The following SV2B variants were observed in gnomAD, a reference collection of about 807,000 sequenced individuals.
SV2B encodes the protein solute carrier family 22 member B2.
A neutral mutation model predicts 73.9 loss-of-function variants in SV2B; 41 were observed. That is an observed-to-expected ratio of 0.56 (90% CI 0.43 to 0.72). The LOEUF (loss-of-function observed/expected upper bound fraction) is 0.72. Ranked by LOEUF, SV2B falls within the 30% of genes least tolerant of loss-of-function variation. SV2B has a pLI of 0.00. For synonymous variants in SV2B, 314 were observed against 314.2 expected (o/e 1.00, Z 0.01); for missense variants, 764 against 857.8 (o/e 0.89, Z 1.37).
chr15:91,256,086 G>A (rs2047678429), intron 4 of SV2B, among the ~76,000 whole-genome samples: 1 of 152,080 alleles, frequency 6.6e-6, no homozygotes, highest in East Asian at 1.9e-4. Flanking sequence ...TGAACTCACG[G>A]GTAAAGCTCA....
At position 91,232,541 on chromosome 15, in the gene SV2B, C is replaced by T. The variant is rs973982723; in HGVS notation, c.451+5827C>T. On this transcript the variant is annotated intron_variant, in intron 2 of 12. Coordinates refer to ENST00000394232, the MANE Select transcript of SV2B (RefSeq NM_001323032.3). The surrounding 1 kb of genome is among the most constrained non-coding windows in gnomAD (Gnocchi z 4.7). ...TGTGGTTTAGGATGATCACTCTGCC[C>T]CAGTGATTTTGGTACTGAGAGTGCT... Among the ~76,000 whole-genome samples, 1 of 151,978 alleles carries T rather than the reference C, an allele frequency of 6.6e-6. No homozygotes were observed. The highest frequency in any genetic ancestry group is 1.5e-5 in the Non-Finnish European group (1 of 68,008).
At chr15:91,263,171 C>A (rs557897226) in intron 6 of SV2B, among the ~76,000 whole-genome samples, 1 of 151,806 alleles carries the variant, frequency 6.6e-6, no homozygotes, top group African/African-American at 2.4e-5. Flanking sequence ...AACACAGACA[C>A]ACAGACACAG....
At position 91,232,205 on chromosome 15, in the gene SV2B, C is replaced by T. The variant is rs1370142281; in HGVS notation, c.451+5491C>T. Among the ~76,000 whole-genome samples, 1 of 152,180 alleles carries T rather than the reference C, an allele frequency of 6.6e-6. No individual in the cohort carries two copies. Among genetic ancestry groups the T allele is most frequent in the Admixed American group, 6.5e-5 (1 of 15,278 alleles). ...TCCTCAGTGACCAAGTATTTACCTA[C>T]TTACTCATGATGGTGAAATCCACCA... On this transcript the variant is annotated intron_variant, in intron 2 of 12. Coordinates refer to ENST00000394232, the MANE Select transcript of SV2B (RefSeq NM_001323032.3). This position sits in a 1 kb window ranked among gnomAD's most constrained non-coding sequence, Gnocchi z 4.7.
intron 1 of SV2B, among the ~76,000 whole-genome samples, chr15:91,163,011 G>A (rs1001330817): frequency 6.6e-6 from 1 of 151,864 alleles, no homozygotes; most frequent in African/African-American, 2.4e-5. Flanking sequence ...AGAACATGCG[G>A]TGTTTGGTTT....
chr15:91,135,764 G>A (rs1296698385), intron 1 of SV2B, among the ~76,000 whole-genome samples: 2 of 152,210 alleles, frequency 1.3e-5, no homozygotes, highest in Non-Finnish European at 2.9e-5. Flanking sequence ...TCTGCTTTGT[G>A]AAGTTTGGGG....
intron 1 of SV2B, among the ~76,000 whole-genome samples, chr15:91,152,930 C>T (rs2043359456): frequency 6.6e-6 from 1 of 152,150 alleles, no homozygotes; most frequent in African/African-American, 2.4e-5. Flanking sequence ...CTATTTCTCA[C>T]AGTTCTGGAG....
Position 91,267,763 on chromosome 15 carries a change from A to G in SV2B, c.1208+120A>G, listed in dbSNP as rs945628457. On this transcript the variant is annotated intron_variant, in intron 8 of 12. Coordinates refer to ENST00000394232, the MANE Select transcript of SV2B (RefSeq NM_001323032.3). This position sits in a 1 kb window ranked among gnomAD's most constrained non-coding sequence, Gnocchi z 4.3. Reference sequence around the variant, plus strand: ...TATCAGGTAGGATGCTTTGGTGGCAAGTAGCAGAAAACCAACTCTAGTGGC... The same window carrying G: ...TATCAGGTAGGATGCTTTGGTGGCAGGTAGCAGAAAACCAACTCTAGTGGC... The G allele has an allele frequency of 6.3e-5, 54 of 857,662 alleles. No homozygotes were observed. In the Admixed American group the frequency reaches 9.3e-4, roughly 15 times the overall value. The allele number at this position is 857,662 out of a possible 1,614,324, so 53.1% of individuals were successfully genotyped here.
At chr15:91,264,570 A>G (rs552704762) in intron 6 of SV2B, among the ~76,000 whole-genome samples, 1 of 152,178 alleles carries the variant, frequency 6.6e-6, no homozygotes, top group East Asian at 1.9e-4. Flanking sequence ...CATTTTCTTT[A>G]AAGTTCTGAG....
In SV2B at chr15:91,268,462, G is replaced by A; in HGVS notation, c.1230G>A (p.Trp410Ter). The change falls in exon 9 of 13, where the codon TGG (tryptophan) becomes TGA (stop). Residue 410 changes from tryptophan (W) to a stop codon, truncating the protein, a stop_gained. Transcript: ENST00000394232. LOFTEE classifies it high-confidence loss of function. This position sits in a 1 kb window ranked among gnomAD's most constrained non-coding sequence, Gnocchi z 4.4. ...CCAGTTACTATGGACTGACAGTTTG[G>A]TTTCCTGATATGATCCGCTATTTTC... The part of the protein sequence containing the change: ...MAFSYYGLTV[W>*]FPDMIRYFQD... The A allele has an allele frequency of 1.2e-6, 2 of 1,613,752 alleles. No homozygotes were observed. Among genetic ancestry groups the A allele is most frequent in the Non-Finnish European group, 1.7e-6 (2 of 1,179,724 alleles).
chr15:91,281,621 C>CCTTTTG lies in SV2B; in HGVS notation c.1374-103_1374-98dup. 7.6e-7 allele frequency: 1 copy of CCTTTTG among 1,323,800 alleles called. No individual in the cohort carries two copies. Among genetic ancestry groups the CCTTTTG allele is most frequent in the Non-Finnish European group, 1.0e-6 (1 of 970,464 alleles). The allele number at this position is 1,323,800 out of a possible 1,614,324, so 82.0% of individuals were successfully genotyped here. On this transcript the variant is annotated intron_variant, in intron 9 of 12. Transcript: ENST00000394232. The surrounding 1 kb of genome is among the most constrained non-coding windows in gnomAD (Gnocchi z 4.7). ...CTGGGTTGAAAATAATGCTCTGGCA[C>CCTTTTG]CTTTTGCTTGCACATCTCCTTTTTC... is the stretch of plus-strand genomic sequence containing the variant.
At chr15:91,200,038 A>T (rs1254801255) in intron 1 of SV2B, among the ~76,000 whole-genome samples, 3 of 152,224 alleles carry the variant, frequency 2.0e-5, no homozygotes, top group Non-Finnish European at 4.4e-5. Flanking sequence ...TTCCATATTT[A>T]TATAGCTAAG....
rs73520050 is a variant in SV2B at position 91,267,716 on chromosome 15, G to A, written c.1208+73G>A. On this transcript the variant is annotated intron_variant, in intron 8 of 12. Coordinates refer to ENST00000394232, the MANE Select transcript of SV2B (RefSeq NM_001323032.3). The surrounding 1 kb of genome is among the most constrained non-coding windows in gnomAD (Gnocchi z 4.3). The stretch of plus-strand genomic sequence containing the variant: ...CCTCCTTTACACATTGAGGATTACA[G>A]TGAGTTCTGACTTAGAATTTGTATC... 3,082 of 1,226,560 alleles carry A rather than the reference G, an allele frequency of 2.5e-3. 74 individuals carry two copies. In the African/African-American group the frequency reaches 0.042, roughly 17 times the overall value. 76.0% of individuals were successfully genotyped at this position (1,226,560 alleles called of 1,614,324 possible).
At chr15:91,107,710 A>G (rs1164032409) in intron 1 of SV2B, among the ~76,000 whole-genome samples, 3 of 152,132 alleles carry the variant, frequency 2.0e-5, no homozygotes, top group African/African-American at 2.4e-5. Flanking sequence ...CCCGGGCTCA[A>G]GTGATCTTCC....
chr15:91,138,198 C>T (rs749625279), intron 1 of SV2B, among the ~76,000 whole-genome samples: 30 of 152,162 alleles, frequency 2.0e-4, no homozygotes, highest in Non-Finnish European at 3.8e-4. Flanking sequence ...GAATCTGAGG[C>T]GGAGCATGTC....
At position 91,242,187 on chromosome 15, in the gene SV2B, A is replaced by G. The variant is rs1030524844; in HGVS notation, c.452-9632A>G. On this transcript the variant is annotated intron_variant, in intron 2 of 12. Transcript: ENST00000394232. The surrounding 1 kb of genome is among the most constrained non-coding windows in gnomAD (Gnocchi z 4.9). ...CTGTCTCCTCGTTTTCCACCTGCCC[A>G]TTGGCTGCTCCTTCTTGTTCTCCAT... Among the ~76,000 whole-genome samples, 6 of 152,100 alleles carry G rather than the reference A, an allele frequency of 3.9e-5. No homozygotes were observed. The highest frequency in any genetic ancestry group is 1.4e-4 in the African/African-American group (6 of 41,406).
chr15:91,248,213 A>C (rs930391368), intron 2 of SV2B, among the ~76,000 whole-genome samples: 46 of 152,030 alleles, frequency 3.0e-4, no homozygotes, highest in African/African-American at 3.6e-4. Context: ...CCCAGCTACT[A>C]GGGAGGCTGA....
chr15:91,158,217 G>A (rs1237615678), intron 1 of SV2B, among the ~76,000 whole-genome samples: 1 of 152,300 alleles, frequency 6.6e-6, no homozygotes, highest in East Asian at 1.9e-4. Flanking sequence ...GTGTCTTGGT[G>A]CTGTTGTCTC....
In SV2B at chr15:91,229,694, T is replaced by A. The variant is rs1331219488; in HGVS notation, c.451+2980T>A. Among the ~76,000 whole-genome samples the A allele has an allele frequency of 6.6e-6, 1 of 152,232 alleles. No homozygotes were observed. Among genetic ancestry groups the A allele is most frequent in the Non-Finnish European group, 1.5e-5 (1 of 68,034 alleles). On this transcript the variant is annotated intron_variant, in intron 2 of 12. Transcript: ENST00000394232. The surrounding 1 kb of genome is among the most constrained non-coding windows in gnomAD (Gnocchi z 4.3). ...CATTTAACATGACTAAAACAGTACC[T>A]GCCCCTAATCAGTGCTCAAGATATC...
At chr15:91,244,858 A>T (rs895747655) in intron 2 of SV2B, among the ~76,000 whole-genome samples, 8 of 152,220 alleles carry the variant, frequency 5.3e-5, no homozygotes, top group East Asian at 3.8e-4. Context: ...TAGTTGGAAG[A>T]TGCTGATTTT....
Sources: allele counts gnomAD v4.1 joint callset (sites outside exome capture counted in the v4.1 genomes callset), GRCh38; gene constraint gnomAD v4.1.1; non-coding constraint Gnocchi (gnomAD v3.1); transcripts MANE v1.5; gene names NCBI Gene and HGNC (gene_info 2026-07-23, HGNC 2026-07-21).